The following ZNF2 variants were observed in gnomAD, a reference collection of about 807,000 sequenced individuals.
ZNF2 encodes zinc finger protein 2.
A neutral mutation model predicts 21.9 loss-of-function variants in ZNF2; 12 were observed. The observed-to-expected ratio is 0.55, with a 90% CI of 0.35 to 0.89. The LOEUF is 0.89. ZNF2 is among the 40% of genes least tolerant of loss of function. ZNF2 has a pLI of 0.01. For missense variants in ZNF2, 462 were observed against 544.2 expected, an observed-to-expected ratio of 0.85 and a Z score of 1.50; for synonymous variants, 186 against 196.3, an observed-to-expected ratio of 0.95 and a Z score of 0.44.
At chr2:95,172,936 C>T (rs1370762755) in intron 1 of ZNF2, among the ~76,000 whole-genome samples, 3 of 150,814 alleles carry the variant, frequency 2.0e-5, no homozygotes, top group South Asian at 2.1e-4. Flanking sequence ...TGCACCTGGC[C>T]GTTCTTTGTG....
At chr2:95,168,041 G>T (rs1674143163) in intron 1 of ZNF2, among the ~76,000 whole-genome samples, 1 of 151,712 alleles carries the variant, frequency 6.6e-6, no homozygotes, top group Admixed American at 6.6e-5. Flanking sequence ...ATGGGATTCA[G>T]TGAAAATAGT....
chr2:95,179,526 T>A (rs1483988338), intron 3 of ZNF2, among the ~76,000 whole-genome samples: 1 of 152,088 alleles, frequency 6.6e-6, no homozygotes, highest in Admixed American at 6.5e-5. Flanking sequence ...TTAATTTCAT[T>A]CTCATCTCTC....
rs184164730 is a variant in ZNF2 at position 95,180,559 on chromosome 2, G to C, written c.274+287G>C. ...GAGTCTCGCTCTGTTGCCCAGGCTG[G>C]AGTGCAATGGCGCTATCTCAGCTCA... is the stretch of plus-strand genomic sequence containing the variant. On this transcript the variant is annotated intron_variant, in intron 4 of 4. Coordinates refer to ENST00000614034, the MANE Select transcript of ZNF2 (RefSeq NM_021088.4). Among the ~76,000 whole-genome samples, 345 of 151,068 alleles carry C rather than the reference G, an allele frequency of 2.3e-3. 1 individual carries two copies. Among genetic ancestry groups the C allele is most frequent in the African/African-American group, 8.1e-3 (333 of 41,094 alleles).
In ZNF2 at chr2:95,182,075, A is replaced by G; in HGVS notation, c.1247A>G (p.Gln416Arg). 2 of 1,610,728 alleles carry G rather than the reference A, an allele frequency of 1.2e-6. No individual in the cohort carries two copies. Among genetic ancestry groups the G allele is most frequent in the Non-Finnish European group, 1.7e-6 (2 of 1,177,488 alleles). Residue 416 changes from glutamine (Q) to arginine (R), a missense_variant, in exon 5 of 5, where the codon CAA becomes CGA. Coordinates refer to ENST00000614034, the MANE Select transcript of ZNF2 (RefSeq NM_021088.4). The part of the protein sequence containing the change: ...FSSKSSVIQH[Q>R]RRYAKQGID ...TCAAAATCTTCTGTTATTCAACATC[A>G]ACGGCGTTACGCCAAACAGGGAATA...
chr2:95,178,668 A>G (rs1280543308), intron 3 of ZNF2, among the ~76,000 whole-genome samples: 8 of 152,300 alleles, frequency 5.3e-5, no homozygotes, highest in East Asian at 3.9e-4. Context: ...TCCAGGATCT[A>G]TTTTTTAATA....
chr2:95,169,736 C>T lies in ZNF2; in HGVS notation c.-40+3876C>T, dbSNP rs529737300. On this transcript the variant is annotated intron_variant, in intron 1 of 4. Transcript: ENST00000614034. ...TTGCACTCCAGCCCGGGAGACAGAG[C>T]GAGACCCTGTCTCAAAAAAAACAAA... Among the ~76,000 whole-genome samples, 8 of 152,152 alleles carry T rather than the reference C, an allele frequency of 5.3e-5. No individual in the cohort carries two copies. The South Asian group carries it at 1.7e-3, about 32-fold the overall frequency.
rs1558717445 is a variant in ZNF2 at position 95,181,918 on chromosome 2, A to G, written c.1090A>G (p.Thr364Ala). Residue 364 changes from threonine (T) to alanine (A), a missense_variant, in exon 5 of 5, where the codon ACT becomes GCT. By Grantham distance (58) the Thr-to-Ala change is moderately conservative. Transcript: ENST00000614034. The part of the protein sequence containing the change: ...SSLTQHQKIH[T>A]GDKPYECSEC... ...CCTTACACAGCATCAGAAGATCCAC[A>G]CTGGAGACAAGCCATATGAATGCAG... The G allele has an allele frequency of 6.2e-7, 1 of 1,614,276 alleles. No individual in the cohort carries two copies.
rs569586818 is a variant in ZNF2 at position 95,174,175 on chromosome 2, A to G, written c.-39-2013A>G. On this transcript the variant is annotated intron_variant, in intron 1 of 4. Coordinates refer to ENST00000614034, the MANE Select transcript of ZNF2 (RefSeq NM_021088.4). ...GGAAGTGCCCTGGAACATAGCTGTC[A>G]ATAAGGGTTAGTGTTAATGATGAGT... Among the ~76,000 whole-genome samples the G allele has an allele frequency of 2.6e-5, 4 of 152,378 alleles. No homozygotes were observed. In the South Asian group the frequency reaches 8.3e-4, roughly 32 times the overall value.
At chr2:95,166,772 A>G (rs1447526601) in intron 1 of ZNF2, among the ~76,000 whole-genome samples, 6 of 152,206 alleles carry the variant, frequency 3.9e-5, no homozygotes, top group Admixed American at 6.5e-5. Context: ...ACCTGGGAGA[A>G]CAATAAAACA....
At chr2:95,174,278 A>G (rs534733515) in intron 1 of ZNF2, among the ~76,000 whole-genome samples, 6 of 152,312 alleles carry the variant, frequency 3.9e-5, no homozygotes, top group South Asian at 2.1e-4. Context: ...GCTGGGTCAA[A>G]CAGTATGTTT....
chr2:95,169,602 T>C (rs1674202713), intron 1 of ZNF2, among the ~76,000 whole-genome samples: 1 of 151,942 alleles, frequency 6.6e-6, no homozygotes, highest in Admixed American at 6.6e-5. Context: ...ATACAAAAAT[T>C]AGCCAGGCAT....
rs557578807 is a variant in ZNF2 at position 95,181,133 on chromosome 2, C to T, written c.305C>T (p.Ala102Val). 12 of 1,614,048 alleles carry T rather than the reference C, an allele frequency of 7.4e-6. No individual in the cohort carries two copies. Among genetic ancestry groups the T allele is most frequent in the African/African-American group, 5.3e-5 (4 of 75,046 alleles). ...DWETKPEIHDASDKKSEGSLR... is the reference protein window; with the variant it reads ...DWETKPEIHDVSDKKSEGSLR... ...GAAACTAAGCCTGAGATTCACGATG[C>T]TTCAGACAAAAAATCAGAAGGATCA... The change falls in exon 5 of 5, where the codon GCT becomes GTT. Residue 102 changes from alanine (A) to valine (V), a missense_variant. Coordinates refer to ENST00000614034, the MANE Select transcript of ZNF2 (RefSeq NM_021088.4).
At chr2:95,168,067 C>A (rs912607587) in intron 1 of ZNF2, among the ~76,000 whole-genome samples, 1 of 150,444 alleles carries the variant, frequency 6.6e-6, no homozygotes, top group East Asian at 2.0e-4. Flanking sequence ...GTAGAGGAGG[C>A]TTGTATGTCT....
chr2:95,174,407 C>T (rs764384665), intron 1 of ZNF2, among the ~76,000 whole-genome samples: 15 of 152,178 alleles, frequency 9.9e-5, no homozygotes, highest in South Asian at 2.1e-4. Flanking sequence ...AAGCTCTCCT[C>T]GATGAAACTG....
intron 1 of ZNF2, among the ~76,000 whole-genome samples, chr2:95,175,450 A>C (rs1413529579): frequency 6.6e-6 from 1 of 152,116 alleles, no homozygotes; most frequent in African/African-American, 2.4e-5. Flanking sequence ...CCCGTGGTCT[A>C]TTATGACCTT....
rs994158586 is a variant in ZNF2, at chr2:95,184,238, A to G, written c.*2132A>G. On this transcript the variant is annotated 3_prime_UTR_variant, in exon 5 of 5. Coordinates refer to ENST00000614034, the MANE Select transcript of ZNF2 (RefSeq NM_021088.4). ...TTGAAAGCAACTTGAGGAAAAACAC[A>G]TAACAGAATCTATAGGTGTGGACAA... 6.6e-6 allele frequency: 1 copy of G among 152,266 alleles called. No individual in the cohort carries two copies. The highest frequency in any genetic ancestry group is 2.4e-5 in the African/African-American group (1 of 41,468). 9.4% of individuals were successfully genotyped at this position (152,266 alleles called of 1,614,324 possible). A position where few individuals can be genotyped will look rare whatever the true frequency, so the allele number is the denominator to read the frequency against.
rs1177263766 is a variant in ZNF2, at chr2:95,181,512, C to T, written c.684C>T (p.Pro228=). ...TGATGTCACACACTGGGGAGAGCCC[C>T]TACGAGTGCAGTGTGTGCTCAAAAG... The part of the protein sequence containing the change: ...RHLMSHTGES[P]YECSVCSKAF... Residue 228 remains proline, a synonymous_variant, in exon 5 of 5, where the codon CCC becomes CCT. Coordinates refer to ENST00000614034, the MANE Select transcript of ZNF2 (RefSeq NM_021088.4). The T allele has an allele frequency of 6.2e-6, 10 of 1,614,164 alleles. No homozygotes were observed. The highest frequency in any genetic ancestry group is 4.5e-5 in the East Asian group (2 of 44,862).
At chr2:95,176,289 C>G in intron 2 of ZNF2, 30 bp downstream of exon 2, 4 of 1,614,032 alleles carry the variant, frequency 2.5e-6, no homozygotes, top group East Asian at 2.2e-5. Flanking sequence ...TCCCGAAATA[C>G]TCCATTCATC....
chr2:95,181,630 G>T lies in ZNF2; in HGVS notation c.802G>T (p.Asp268Tyr), dbSNP rs774462962. Residue 268 changes from aspartate to tyrosine, a missense_variant, in exon 5 of 5, where the codon GAC (aspartate) becomes TAC (tyrosine). Physicochemically the swap from Asp to Tyr is radical, Grantham distance 160. Transcript: ENST00000614034. ...QCNECGKAFFDRSSLTRHQRI... is the reference protein window; with the variant it reads ...QCNECGKAFFYRSSLTRHQRI... ...CAACGAGTGTGGAAAAGCCTTTTTT[G>T]ACCGTTCATCCCTTACTCGACACCA... The T allele has an allele frequency of 6.2e-7, 1 of 1,614,120 alleles. No individual in the cohort carries two copies. The highest frequency in any genetic ancestry group is 1.1e-5 in the South Asian group (1 of 91,072).
Sources: allele counts gnomAD v4.1 joint callset (sites outside exome capture counted in the v4.1 genomes callset), GRCh38; gene constraint gnomAD v4.1.1; transcripts MANE v1.5; gene names NCBI Gene and HGNC (gene_info 2026-07-23, HGNC 2026-07-21).